Variants in PHF20 observed in about 807,000 individuals in gnomAD.
PHF20 encodes the protein glioma-expressed antigen 2.
Under a neutral mutation model 113.5 loss-of-function variants are expected in PHF20, and 23 were observed. That is an observed-to-expected ratio of 0.20 (90% confidence interval 0.15 to 0.29). The LOEUF (loss-of-function observed/expected upper bound fraction) is 0.29. Ranked by LOEUF, PHF20 falls within the 10% of genes least tolerant of loss-of-function variation. The pLI is 1.00. For synonymous variants in PHF20, 434 were observed against 457.3 expected (o/e 0.95, Z 0.65); for missense variants, 943 against 1,219.6 (o/e 0.77, Z 3.38).
rs565193479 is a variant in PHF20 at position 35,892,046 on chromosome 20, T to G, written c.1283-7324T>G. 5.6e-3 allele frequency among the ~76,000 whole-genome samples: 806 copies of G among 145,012 alleles called. 7 individuals are homozygous for G. Among genetic ancestry groups the G allele is most frequent in the African/African-American group, 0.02 (759 of 38,380 alleles). On this transcript the variant is annotated intron_variant, in intron 9 of 17. Transcript: ENST00000374012. ...CACCACCCCCAGCTAATTTTTTTTGTTTTTTTTTGTTTTTTTGTTTTTTTT... is the reference window on the plus strand; with the variant it reads ...CACCACCCCCAGCTAATTTTTTTTGGTTTTTTTTGTTTTTTTGTTTTTTTT...
chr20:35,774,212 A>G (rs1470375995), intron 1 of PHF20, among the ~76,000 whole-genome samples: 1 of 151,574 alleles, frequency 6.6e-6, no homozygotes, highest in Non-Finnish European at 1.5e-5. Flanking sequence ...CCTCCCGAGC[A>G]GCTGGGACTA....
intron 2 of PHF20, among the ~76,000 whole-genome samples, chr20:35,812,193 A>C (rs893935185): frequency 6.6e-6 from 1 of 152,210 alleles, no homozygotes; most frequent in South Asian, 2.1e-4. Flanking sequence ...TTTAGCAATA[A>C]TTTTATAATA....
intron 9 of PHF20, among the ~76,000 whole-genome samples, chr20:35,892,487 G>C (rs1017181019): frequency 7.9e-5 from 12 of 152,026 alleles, no homozygotes; most frequent in African/African-American, 2.9e-4. Context: ...GGGATTACAG[G>C]CATGAGCCAC....
intron 9 of PHF20, among the ~76,000 whole-genome samples, chr20:35,875,826 A>G (rs1205261970): frequency 6.6e-6 from 1 of 152,208 alleles, no homozygotes; most frequent in Non-Finnish European, 1.5e-5. Flanking sequence ...CCATGCATAT[A>G]AGTGAGGAGA....
intron 3 of PHF20, among the ~76,000 whole-genome samples, chr20:35,843,676 A>G (rs1434801520): frequency 6.6e-6 from 1 of 151,976 alleles, no homozygotes; most frequent in Non-Finnish European, 1.5e-5. Context: ...TCAATCTCCC[A>G]GGCTCAAGCG....
rs562342256 is a variant in PHF20, at chr20:35,913,313, GAAGAAA to G, written c.1646_1651del (p.Lys549_Lys550del). 121 of 1,600,926 alleles carry G rather than the reference GAAGAAA, an allele frequency of 7.6e-5. No homozygotes were observed. Among genetic ancestry groups the G allele is most frequent in the Admixed American group, 2.1e-4 (12 of 56,824 alleles). ...AGGAGTTTGTGAGAGTGAAGCCAAA[GAAGAAA>G]AAGAAAAAGAAAAAGAAAACCAAAC... On this transcript the variant is annotated inframe_deletion, in exon 11 of 18. Transcript: ENST00000374012.
intron 1 of PHF20, among the ~76,000 whole-genome samples, chr20:35,791,572 G>A (rs1041855059): frequency 6.9e-6 from 1 of 144,464 alleles, no homozygotes; most frequent in Non-Finnish European, 1.5e-5. Flanking sequence ...TCTTAGAATT[G>A]TGTGTATATA....
rs114775401 is a variant in PHF20 at position 35,811,584 on chromosome 20, A to C, written c.83+9979A>C. Among the ~76,000 whole-genome samples the C allele has an allele frequency of 8.8e-3, 1,340 of 151,760 alleles. 24 individuals carry two copies. Among genetic ancestry groups the C allele is most frequent in the African/African-American group, 0.031 (1,283 of 41,354 alleles). On this transcript the variant is annotated intron_variant, in intron 2 of 17. Transcript: ENST00000374012. The stretch of plus-strand genomic sequence containing the variant: ...CAGTCTCCCAAGCAGCTCGGATTAC[A>C]TGCATGCGCCACCACGCTCAGCTAA...
At chr20:35,869,181 G>A (rs2054372366) in intron 6 of PHF20, among the ~76,000 whole-genome samples, 1 of 152,066 alleles carries the variant, frequency 6.6e-6, no homozygotes. Context: ...AGCAAGTAGA[G>A]GTTGAAAACT....
chr20:35,881,523 A>G (rs2054633186), intron 9 of PHF20, among the ~76,000 whole-genome samples: 1 of 149,226 alleles, frequency 6.7e-6, no homozygotes, highest in Non-Finnish European at 1.5e-5. Flanking sequence ...CCTGGGCGAC[A>G]GAGCAAGACT....
Position 35,938,881 on chromosome 20 carries a change from T to G in PHF20, c.2485T>G (p.Ser829Ala), listed in dbSNP as rs778662802. Residue 829 changes from serine to alanine, a missense_variant, in exon 16 of 18, where the codon TCT (serine) becomes GCT (alanine). Ser to Ala is a moderately conservative substitution (Grantham distance 99, BLOSUM62 1). Transcript: ENST00000374012. ...PRPLALPLPR[S>A]VEESYITSEH... ...GCCCCTGGCCCTGCCCCTGCCGCGT[T>G]CTGTGGAGGAATCCTATATCACCAG... 1 of 1,614,024 alleles carries G rather than the reference T, an allele frequency of 6.2e-7. No homozygotes were observed. The highest frequency in any genetic ancestry group is 1.7e-5 in the Admixed American group (1 of 60,004).
At chr20:35,819,151 G>A (rs1035708585) in intron 2 of PHF20, among the ~76,000 whole-genome samples, 4 of 151,834 alleles carry the variant, frequency 2.6e-5, no homozygotes, top group Non-Finnish European at 2.9e-5. Context: ...GCCTGGTCTC[G>A]AACTCCTGAC....
intron 4 of PHF20, among the ~76,000 whole-genome samples, chr20:35,854,463 A>G (rs1283656894): frequency 2.0e-5 from 3 of 152,194 alleles, no homozygotes; most frequent in Non-Finnish European, 4.4e-5. Context: ...GAACTCTATT[A>G]TTAGCTACCT....
intron 1 of PHF20, among the ~76,000 whole-genome samples, chr20:35,783,539 C>T (rs190686199): frequency 8.9e-4 from 135 of 151,596 alleles, no homozygotes; most frequent in Non-Finnish European, 1.6e-3. Context: ...GCCTCATCCT[C>T]GTGAGTAGTT....
At chr20:35,901,143 A>T (rs1256539152) in intron 10 of PHF20, among the ~76,000 whole-genome samples, 1 of 152,084 alleles carries the variant, frequency 6.6e-6, no homozygotes, top group African/African-American at 2.4e-5. Flanking sequence ...AAGCATGCTT[A>T]GGCGGACATA....
rs147380683 is a variant in PHF20 at position 35,901,933 on chromosome 20, T to C, written c.1561+2285T>C. On this transcript the variant is annotated intron_variant, in intron 10 of 17. Coordinates refer to ENST00000374012, the MANE Select transcript of PHF20 (RefSeq NM_016436.5). ...GTAAACCTGAGTTCTTGTGATTAGT[T>C]TGTGAGCTAATCTTTTTAATAAGCC... 3.5e-3 allele frequency among the ~76,000 whole-genome samples: 471 copies of C among 136,148 alleles called. 2 individuals are homozygous for C. Among genetic ancestry groups the C allele is most frequent in the African/African-American group, 0.012 (431 of 36,210 alleles). 89.3% of individuals were successfully genotyped at this position (136,148 alleles called of 152,430 possible).
chr20:35,816,345 C>T (rs2042073367), intron 2 of PHF20, among the ~76,000 whole-genome samples: 1 of 152,010 alleles, frequency 6.6e-6, no homozygotes, highest in Non-Finnish European at 1.5e-5. Flanking sequence ...ATCAATATTA[C>T]TATTAACAAG....
chr20:35,820,463 T>TG (rs1181395596), intron 2 of PHF20, among the ~76,000 whole-genome samples: 2 of 151,160 alleles, frequency 1.3e-5, no homozygotes, highest in Non-Finnish European at 3.0e-5. Context: ...TTTTTTTTTT[T>TG]TGTGAGATGG....
rs557773867 is a variant in PHF20 at position 35,819,678 on chromosome 20, T to G, written c.83+18073T>G. The stretch of plus-strand genomic sequence containing the variant: ...TGTGTGTGTGTGTGTGTGTGTGTGT[T>G]TTTAAGCAATCTTTTCTGAGCTTTC... On this transcript the variant is annotated intron_variant, in intron 2 of 17. Coordinates refer to ENST00000374012, the MANE Select transcript of PHF20 (RefSeq NM_016436.5). Among the ~76,000 whole-genome samples the G allele has an allele frequency of 4.5e-4, 68 of 150,844 alleles. 1 individual carries two copies. The South Asian group carries it at 8.2e-3, about 18-fold the overall frequency.
Sources: gnomAD v4.1 joint callset for allele counts (sites outside exome capture counted in the v4.1 genomes callset) on GRCh38, gnomAD v4.1.1 for gene constraint, MANE v1.5 for transcripts, NCBI Gene and HGNC (gene_info 2026-07-23, HGNC 2026-07-21) for gene names.